The following ANKRD31 variants were observed in gnomAD, a reference collection of about 807,000 sequenced individuals.
ANKRD31 encodes the protein ankyrin repeat domain-containing protein 31.
Under a neutral mutation model 186.0 loss-of-function variants are expected in ANKRD31, and 147 were observed. That is an observed-to-expected ratio of 0.79 (90% CI 0.69 to 0.91). ANKRD31 has a LOEUF of 0.91. Ranked by LOEUF, ANKRD31 falls within the 40% of genes least tolerant of loss-of-function variation. The pLI, the probability that ANKRD31 is intolerant of heterozygous loss-of-function variation, is 0.00. For missense variants in ANKRD31, 1,986 were observed against 2,148.8 expected, an observed-to-expected ratio of 0.92 and a Z score of 1.50; for synonymous variants, 673 against 736.4, an observed-to-expected ratio of 0.91 and a Z score of 1.39.
At chr5:75,230,466 G>T (rs571907271) in intron 2 of ANKRD31, 96 bp downstream of exon 2, 9 of 881,198 alleles carry the variant, frequency 1.0e-5, no homozygotes, top group African/African-American at 5.2e-5. Flanking sequence ...AATTCATTTT[G>T]CTTAAAGTCT....
intron 17 of ANKRD31, among the ~76,000 whole-genome samples, chr5:75,120,894 G>A (rs943311616): frequency 1.3e-5 from 2 of 152,038 alleles, no homozygotes; most frequent in Admixed American, 6.6e-5. Context: ...AAGACACATA[G>A]ACAAAAGATA....
intron 2 of ANKRD31, among the ~76,000 whole-genome samples, chr5:75,223,928 C>T (rs1327776763): frequency 6.6e-6 from 1 of 151,904 alleles, no homozygotes; most frequent in Non-Finnish European, 1.5e-5. Flanking sequence ...TAGCAGCCAT[C>T]CGCACAATCC....
chr5:75,078,865 A>AG (rs1744864332), intron 25 of ANKRD31, among the ~76,000 whole-genome samples: 1 of 152,218 alleles, frequency 6.6e-6, no homozygotes, highest in Non-Finnish European at 1.5e-5. Context: ...ATAGGCAAAA[A>AG]GGCGAGAGGC....
intron 11 of ANKRD31, among the ~76,000 whole-genome samples, chr5:75,164,652 G>T (rs1169098981): frequency 1.3e-5 from 2 of 152,156 alleles, no homozygotes; most frequent in Non-Finnish European, 2.9e-5. Context: ...GAAGAGTGAG[G>T]CTCTAGCTTC....
intron 19 of ANKRD31, 112 bp from the exon 20 acceptor site, chr5:75,112,712 G>A: frequency 1.6e-6 from 1 of 620,172 alleles, no homozygotes; most frequent in Admixed American, 3.7e-5. Context: ...TCCTAAAAAT[G>A]CTCATTCCTC....
At chr5:75,198,620 T>A (rs1228588600) in intron 6 of ANKRD31, among the ~76,000 whole-genome samples, 1 of 152,156 alleles carries the variant, frequency 6.6e-6, no homozygotes, top group Non-Finnish European at 1.5e-5. Flanking sequence ...TTGGAAATAA[T>A]GATATAGTTA....
chr5:75,113,924 A>G (rs1747986005), intron 19 of ANKRD31, among the ~76,000 whole-genome samples: 1 of 152,222 alleles, frequency 6.6e-6, no homozygotes, highest in South Asian at 2.1e-4. Flanking sequence ...TAGGATAAAG[A>G]AAACATCTTT....
At chr5:75,166,485 A>G (rs1752932403) in intron 11 of ANKRD31, among the ~76,000 whole-genome samples, 1 of 152,122 alleles carries the variant, frequency 6.6e-6, no homozygotes. Context: ...CAAAAACAAA[A>G]ACAAAAACAA....
Position 75,068,611 on chromosome 5 carries a change from T to C in ANKRD31, c.5701A>G (p.Ile1901Val). Residue 1901 changes from isoleucine to valine, a missense_variant, in exon 26 of 26, where the codon ATA becomes GTA. Transcript: ENST00000506364. ...SSPRYLQINE[I>V]LLISDQEFLP... is the part of the protein sequence containing the mutation. The stretch of plus-strand genomic sequence containing the variant: ...AATTCTTGATCACTGATTAATAGTA[T>C]TTCATTTATTTGTAGATAACGTGGG... 6 of 1,523,992 alleles carry C rather than the reference T, an allele frequency of 3.9e-6. No individual in the cohort carries two copies. Among genetic ancestry groups the C allele is most frequent in the Non-Finnish European group, 5.3e-6 (6 of 1,141,340 alleles). 94.4% of individuals were successfully genotyped at this position (1,523,992 alleles called of 1,614,324 possible). A position where few individuals can be genotyped will look rare whatever the true frequency, so the allele number is the denominator to read the frequency against.
intron 19 of ANKRD31, 32 bp from the exon 20 acceptor site, chr5:75,112,632 T>A: frequency 7.4e-7 from 1 of 1,357,846 alleles, no homozygotes; most frequent in Non-Finnish European, 1.0e-6. Flanking sequence ...AACTTCATTA[T>A]AAAGGGGTAG....
intron 11 of ANKRD31, among the ~76,000 whole-genome samples, chr5:75,160,000 T>C (rs1752464173): frequency 6.6e-6 from 1 of 152,098 alleles, no homozygotes; most frequent in Non-Finnish European, 1.5e-5. Flanking sequence ...TGATACCAGT[T>C]GGTAACTTGA....
chr5:75,186,209 C>A (rs1412202847), intron 10 of ANKRD31, among the ~76,000 whole-genome samples: 1 of 151,990 alleles, frequency 6.6e-6, no homozygotes, highest in African/African-American at 2.4e-5. Context: ...GTTGGGAGAT[C>A]CCCAAAAAAA....
intron 20 of ANKRD31, among the ~76,000 whole-genome samples, chr5:75,109,518 C>T (rs1274145579): frequency 6.6e-6 from 1 of 152,152 alleles, no homozygotes; most frequent in African/African-American, 2.4e-5. Context: ...AGGGTCTTCT[C>T]TTCTTTACCT....
chr5:75,182,380 T>C (rs1430415683), intron 10 of ANKRD31, among the ~76,000 whole-genome samples: 1 of 152,148 alleles, frequency 6.6e-6, no homozygotes, highest in East Asian at 1.9e-4. Context: ...TTCCTTTCCT[T>C]GTCTAGATTT....
intron 11 of ANKRD31, among the ~76,000 whole-genome samples, chr5:75,156,939 T>C (rs972884698): frequency 2.6e-5 from 4 of 152,202 alleles, no homozygotes; most frequent in Admixed American, 1.3e-4. Context: ...TGCTGGGTTA[T>C]AGCTGTCATA....
chr5:75,110,840 T>G (rs1049098916), intron 20 of ANKRD31, among the ~76,000 whole-genome samples: 2 of 148,532 alleles, frequency 1.3e-5, no homozygotes, highest in African/African-American at 4.9e-5. Context: ...CACTAATGTG[T>G]ACACTGCTAG....
intron 6 of ANKRD31, among the ~76,000 whole-genome samples, chr5:75,196,940 A>G (rs1755507181): frequency 6.6e-6 from 1 of 151,252 alleles, no homozygotes; most frequent in Non-Finnish European, 1.5e-5. Flanking sequence ...TCACTCTGTC[A>G]CCCAGGCTGG....
intron 23 of ANKRD31, among the ~76,000 whole-genome samples, chr5:75,084,842 G>A (rs1202591736): frequency 2.0e-5 from 3 of 152,104 alleles, no homozygotes; most frequent in African/African-American, 7.2e-5. Flanking sequence ...ATATTTAACT[G>A]ATTAAATTAA....
intron 1 of ANKRD31, among the ~76,000 whole-genome samples, chr5:75,233,534 C>A (rs1023146781): frequency 1.3e-5 from 2 of 151,956 alleles, no homozygotes; most frequent in African/African-American, 4.8e-5. Flanking sequence ...TCTGCCCCTA[C>A]TAAAATCTTA....
Sources: allele counts gnomAD v4.1 joint callset (sites outside exome capture counted in the v4.1 genomes callset), GRCh38; gene constraint gnomAD v4.1.1; transcripts MANE v1.5; gene names NCBI Gene and HGNC (gene_info 2026-07-23, HGNC 2026-07-21).